Variants in CSNK2A2IP observed in about 807,000 individuals in gnomAD.
CSNK2A2IP encodes casein kinase 2 subunit alpha' interacting protein, also known as casein kinase II subunit alpha'-interacting protein.
chr3:88,426,386 T>C, the CSNK2A2IP span, among the ~76,000 whole-genome samples: 2 of 152,220 alleles, frequency 1.3e-5, no homozygotes, highest in African/African-American at 2.4e-5. Flanking sequence ...CAATAGCAAG[T>C]AGGTGCTAGA....
chr3:88,447,846 A>T, the CSNK2A2IP span, among the ~76,000 whole-genome samples: 1 of 152,164 alleles, frequency 6.6e-6, no homozygotes, highest in East Asian at 1.9e-4. Context: ...GTTTCATAGA[A>T]CAAAAATATA....
the CSNK2A2IP span, among the ~76,000 whole-genome samples, chr3:88,383,245 T>C: frequency 6.6e-6 from 1 of 152,182 alleles, no homozygotes; most frequent in Non-Finnish European, 1.5e-5. Context: ...ATAAAAAATA[T>C]AAGAGATTAT....
At chr3:88,351,820 T>G in the CSNK2A2IP span, among the ~76,000 whole-genome samples, 1 of 152,108 alleles carries the variant, frequency 6.6e-6, no homozygotes, top group African/African-American at 2.4e-5. Flanking sequence ...ATTAAAACAT[T>G]CCTTATTCCA....
chr3:88,422,067 T>A, the CSNK2A2IP span, among the ~76,000 whole-genome samples: 5 of 152,228 alleles, frequency 3.3e-5, no homozygotes, highest in Non-Finnish European at 7.3e-5. Flanking sequence ...TTTCTGTGGA[T>A]CTCTCTGTCT....
At chr3:88,376,497 C>A in the CSNK2A2IP span, among the ~76,000 whole-genome samples, 1 of 151,748 alleles carries the variant, frequency 6.6e-6, no homozygotes, top group Non-Finnish European at 1.5e-5. Context: ...AATTCCCCTC[C>A]CACTCCAAGG....
At chr3:88,376,783 A>G in the CSNK2A2IP span, among the ~76,000 whole-genome samples, 2 of 151,784 alleles carry the variant, frequency 1.3e-5, no homozygotes, top group Non-Finnish European at 2.9e-5. Flanking sequence ...TGATTCTGGC[A>G]TTTACCAAAC....
the CSNK2A2IP span, among the ~76,000 whole-genome samples, chr3:88,399,168 A>G: frequency 0.019 from 2,842 of 152,254 alleles, 79 homozygotes; most frequent in African/African-American, 0.063. Context: ...TAGCATAAAG[A>G]CTGAAAGCAT....
chr3:88,463,852 C>G, the CSNK2A2IP span, among the ~76,000 whole-genome samples: 1 of 151,820 alleles, frequency 6.6e-6, no homozygotes, highest in Non-Finnish European at 1.5e-5. Flanking sequence ...CACATGCACA[C>G]GTATGTTTAT....
the CSNK2A2IP span, among the ~76,000 whole-genome samples, chr3:88,363,505 G>T: frequency 6.6e-6 from 1 of 151,922 alleles, no homozygotes; most frequent in East Asian, 1.9e-4. Flanking sequence ...GTTATTTTGG[G>T]GATCAGTTTC....
the CSNK2A2IP span, among the ~76,000 whole-genome samples, chr3:88,340,436 C>A: frequency 6.6e-6 from 1 of 151,950 alleles, no homozygotes; most frequent in Admixed American, 6.6e-5. Flanking sequence ...ATATTTTATG[C>A]TAATTCACTG....
chr3:88,439,568 C>T, the CSNK2A2IP span, among the ~76,000 whole-genome samples: 1 of 151,550 alleles, frequency 6.6e-6, no homozygotes, highest in East Asian at 2.0e-4. Context: ...ATGGTGAAAC[C>T]CTGTCTCTAC....
At chr3:88,431,323 G>T in the CSNK2A2IP span, 11 of 152,148 alleles carry the variant, frequency 7.2e-5, no homozygotes, top group African/African-American at 2.7e-4. Context: ...AAGAATATTG[G>T]AGACTATTAT....
At chr3:88,348,162 G>A in the CSNK2A2IP span, among the ~76,000 whole-genome samples, 1 of 150,362 alleles carries the variant, frequency 6.7e-6, no homozygotes, top group Non-Finnish European at 1.5e-5. Context: ...ATTGTCCTTT[G>A]ACCATGTAGT....
the CSNK2A2IP span, among the ~76,000 whole-genome samples, chr3:88,425,687 A>T: frequency 6.6e-6 from 1 of 152,138 alleles, no homozygotes; most frequent in African/African-American, 2.4e-5. Flanking sequence ...TAGTGGGAGC[A>T]GTATTAGTGG....
the CSNK2A2IP span, among the ~76,000 whole-genome samples, chr3:88,370,696 C>A: frequency 1.3e-5 from 2 of 150,720 alleles, no homozygotes; most frequent in African/African-American, 4.9e-5. Flanking sequence ...CATTTTGATT[C>A]TGCAACTTTC....
At chr3:88,347,180 G>C in the CSNK2A2IP span, among the ~76,000 whole-genome samples, 66,547 of 151,810 alleles carry the variant, frequency 0.44, 15,842 homozygotes, top group South Asian at 0.62. Flanking sequence ...TATGGATGAG[G>C]AAAGAAAGTG....
At chr3:88,420,081 A>C in the CSNK2A2IP span, among the ~76,000 whole-genome samples, 122 of 152,288 alleles carry the variant, frequency 8.0e-4, 1 homozygote, top group Non-Finnish European at 2.8e-4. Context: ...GGTCTGAGAT[A>C]GGGCTTGGAT....
chr3:88,401,031 G>T, the CSNK2A2IP span, among the ~76,000 whole-genome samples: 1 of 152,144 alleles, frequency 6.6e-6, no homozygotes, highest in South Asian at 2.1e-4. Context: ...GGTTATTTAG[G>T]TTAAGGCCTT....
chr3:88,367,539 G>A, the CSNK2A2IP span, among the ~76,000 whole-genome samples: 2 of 152,012 alleles, frequency 1.3e-5, no homozygotes, highest in African/African-American at 4.8e-5. Flanking sequence ...TAAGTTATAA[G>A]GGGTCTCCAC....
Sources: gnomAD v4.1 joint callset for allele counts (sites outside exome capture counted in the v4.1 genomes callset) on GRCh38, gnomAD v4.1.1 for gene constraint, MANE v1.5 for transcripts, NCBI Gene and HGNC (gene_info 2026-07-23, HGNC 2026-07-21) for gene names.